Variants in PDZD8 observed in about 807,000 individuals in gnomAD.
PDZD8 encodes the protein PDZ domain containing 8, also known as PDZ domain-containing protein 8.
In PDZD8, 14 loss-of-function variants were observed where a neutral mutation model predicts 85.8. The ratio of observed to expected loss-of-function variants is 0.16; its 90% CI spans 0.11 to 0.26. The LOEUF (loss-of-function observed/expected upper bound fraction) is 0.26. Among genes scored for constraint, PDZD8 ranks in the 10% least tolerant of loss-of-function variants. PDZD8 has a pLI of 1.00. For missense variants in PDZD8, 1,197 were observed against 1,424.3 expected (o/e 0.84, Z 2.57); for synonymous variants, 592 against 568.6 (o/e 1.04, Z -0.59).
rs181222811 is a variant in PDZD8, at chr10:117,368,083, A to G, written c.872+6273T>C. On this transcript the variant is annotated intron_variant, in intron 1 of 4. Coordinates refer to ENST00000334464, the MANE Select transcript of PDZD8 (RefSeq NM_173791.5). ...GCTTTATGTGTTCTTTGTTTTCCCT[A>G]GAAAGACTAACCCTATAATAGCATG... Among the ~76,000 whole-genome samples, 11 of 152,334 alleles carry G rather than the reference A, an allele frequency of 7.2e-5. No homozygotes were observed. The East Asian group carries it at 2.1e-3, about 29-fold the overall frequency.
intron 2 of PDZD8, among the ~76,000 whole-genome samples, chr10:117,319,349 G>A (rs1338808780): frequency 6.7e-6 from 1 of 150,284 alleles, no homozygotes; most frequent in Admixed American, 6.7e-5. Flanking sequence ...CATCAACTCT[G>A]TAAAACACAT....
chr10:117,292,750 C>T (rs1266651816), intron 3 of PDZD8, among the ~76,000 whole-genome samples: 2 of 148,996 alleles, frequency 1.3e-5, no homozygotes, highest in Non-Finnish European at 3.0e-5. Context: ...CAAATGATAC[C>T]TGAAGTAAAC....
chr10:117,303,844 C>T (rs1405809657), intron 3 of PDZD8, among the ~76,000 whole-genome samples: 1 of 152,202 alleles, frequency 6.6e-6, no homozygotes, highest in African/African-American at 2.4e-5. Context: ...GTTTGGGAAC[C>T]TCTGCCTAGA....
At chr10:117,360,397 T>C (rs1844976340) in intron 1 of PDZD8, among the ~76,000 whole-genome samples, 1 of 152,054 alleles carries the variant, frequency 6.6e-6, no homozygotes, top group Non-Finnish European at 1.5e-5. Context: ...AGCTTTCACA[T>C]AGCTAAAAAA....
intron 2 of PDZD8, among the ~76,000 whole-genome samples, chr10:117,320,501 T>C (rs991353998): frequency 6.6e-6 from 1 of 151,996 alleles, no homozygotes; most frequent in Non-Finnish European, 1.5e-5. Context: ...AAATTTAACA[T>C]AAACTAACTC....
chr10:117,368,307 C>T (rs1339963170), intron 1 of PDZD8, among the ~76,000 whole-genome samples: 1 of 152,128 alleles, frequency 6.6e-6, no homozygotes, highest in Non-Finnish European at 1.5e-5. Flanking sequence ...AGAAAAAGCA[C>T]AACAGGTTAA....
intron 1 of PDZD8, among the ~76,000 whole-genome samples, chr10:117,358,068 T>C (rs957366179): frequency 2.0e-5 from 3 of 152,080 alleles, no homozygotes; most frequent in African/African-American, 2.4e-5. Context: ...CTGTTCATCT[T>C]ACTATTCTTT....
Position 117,285,036 on chromosome 10 carries a change from G to T in PDZD8, c.1697C>A (p.Pro566His). The T allele has an allele frequency of 6.2e-7, 1 of 1,613,846 alleles. No individual in the cohort carries two copies. Among genetic ancestry groups the T allele is most frequent in the South Asian group, 1.1e-5 (1 of 91,064 alleles). ...IQSKDGNKPP[P>H]LKTSEITDPA... is the part of the protein sequence containing the mutation. The stretch of plus-strand genomic sequence containing the variant: ...GTCTGTTATCTCAGAAGTTTTTAGG[G>T]GTGGAGGTTTATTTCCATCTTTGGA... Residue 566 changes from proline (P) to histidine (H), a missense_variant, in exon 5 of 5, where the codon CCC (proline) becomes CAC (histidine). Physicochemically the swap from Pro to His is moderately conservative, Grantham distance 77 (BLOSUM62 -2). Coordinates refer to ENST00000334464, the MANE Select transcript of PDZD8 (RefSeq NM_173791.5).
In PDZD8 at chr10:117,332,798, C is replaced by T. The variant is rs148230528; in HGVS notation, c.995+8182G>A. On this transcript the variant is annotated intron_variant, in intron 2 of 4. Coordinates refer to ENST00000334464, the MANE Select transcript of PDZD8 (RefSeq NM_173791.5). The stretch of plus-strand genomic sequence containing the variant: ...CTGGGATTACAGGCGTGAATCACCA[C>T]GCCTGGCCTCTGTAAAGTTTTTTTA... Among the ~76,000 whole-genome samples, 38 of 150,640 alleles carry T rather than the reference C, an allele frequency of 2.5e-4. No homozygotes were observed. The East Asian group carries it at 5.7e-3, about 23-fold the overall frequency.
At chr10:117,286,096 G>A (rs1396507199) in intron 4 of PDZD8, among the ~76,000 whole-genome samples, 6 of 152,128 alleles carry the variant, frequency 3.9e-5, no homozygotes, top group Non-Finnish European at 7.4e-5. Flanking sequence ...AGTTAAACAA[G>A]CTGGTTACTA....
rs1844612502 is a variant in PDZD8, at chr10:117,283,928, T to C, written c.2805A>G (p.Thr935=). ...GAGAACTAGTATTGATAATATGCCT[T>C]GTCAAACCTGTTGTTTTATTGACTG... ...SKSVNKTTGL[T]RHIINTSSRL... Residue 935 remains threonine, a synonymous_variant, in exon 5 of 5, where the codon ACA becomes ACG. Coordinates refer to ENST00000334464, the MANE Select transcript of PDZD8 (RefSeq NM_173791.5). 1 of 1,614,218 alleles carries C rather than the reference T, an allele frequency of 6.2e-7. No individual in the cohort carries two copies. The highest frequency in any genetic ancestry group is 8.5e-7 in the Non-Finnish European group (1 of 1,180,036).
intron 2 of PDZD8, among the ~76,000 whole-genome samples, chr10:117,324,237 C>CAAGAA (rs1844278390): frequency 8.3e-6 from 1 of 120,634 alleles, no homozygotes; most frequent in African/African-American, 3.3e-5. Context: ...AAAAAAAAGA[C>CAAGAA]AAGAGGCTAC....
At chr10:117,372,597 T>G (rs1205536911) in intron 1 of PDZD8, among the ~76,000 whole-genome samples, 3 of 152,204 alleles carry the variant, frequency 2.0e-5, no homozygotes, top group Admixed American at 2.0e-4. Flanking sequence ...CTGCTATAAA[T>G]AAACATCTCT....
chr10:117,366,104 C>G (rs796277332), intron 1 of PDZD8, among the ~76,000 whole-genome samples: 44 of 152,096 alleles, frequency 2.9e-4, no homozygotes, highest in African/African-American at 5.8e-4. Context: ...ACCCCCTCCT[C>G]CAGCATTTTT....
chr10:117,305,439 TACAC>T (rs58859667), intron 3 of PDZD8, among the ~76,000 whole-genome samples: 24 of 146,170 alleles, frequency 1.6e-4, no homozygotes, highest in East Asian at 8.1e-4. Flanking sequence ...ACAAACAAAA[TACAC>T]ACACACACAC....
intron 1 of PDZD8, among the ~76,000 whole-genome samples, chr10:117,355,344 T>TA (rs1489776590): frequency 6.6e-6 from 1 of 152,200 alleles, no homozygotes; most frequent in East Asian, 1.9e-4. Flanking sequence ...TCCTGTGTTC[T>TA]AAAAACACTT....
chr10:117,348,284 AAAAC>A (rs746900863), intron 1 of PDZD8, among the ~76,000 whole-genome samples: 2 of 152,228 alleles, frequency 1.3e-5, no homozygotes, highest in Non-Finnish European at 1.5e-5. Flanking sequence ...ATGCTTATGA[AAAAC>A]AAACATTTAT....
At chr10:117,310,989 A>T (rs928862255) in intron 3 of PDZD8, among the ~76,000 whole-genome samples, 1 of 152,206 alleles carries the variant, frequency 6.6e-6, no homozygotes, top group African/African-American at 2.4e-5. Flanking sequence ...TGTACATTCA[A>T]CAATACATGA....
intron 3 of PDZD8, among the ~76,000 whole-genome samples, chr10:117,303,113 A>C (rs1396587734): frequency 6.6e-6 from 1 of 152,222 alleles, no homozygotes; most frequent in Non-Finnish European, 1.5e-5. Context: ...AAGGCTCAGA[A>C]GAAAAGAAAA....
Sources: gnomAD v4.1 joint callset for allele counts (sites outside exome capture counted in the v4.1 genomes callset) on GRCh38, gnomAD v4.1.1 for gene constraint, MANE v1.5 for transcripts, NCBI Gene and HGNC (gene_info 2026-07-23, HGNC 2026-07-21) for gene names.